Variants in CHRNA9 observed in about 807,000 individuals in gnomAD.
The protein encoded by CHRNA9 is neuronal acetylcholine receptor subunit alpha-9.
A neutral mutation model predicts 36.8 loss-of-function variants in CHRNA9; 24 were observed. The observed-to-expected ratio is 0.65, with a 90% CI of 0.47 to 0.92. CHRNA9 has a LOEUF of 0.92. CHRNA9 is among the 40% of genes least tolerant of loss of function. CHRNA9 has a pLI of 0.00. For missense variants in CHRNA9, 610 were observed against 601.2 expected, an observed-to-expected ratio of 1.01 and a Z score of -0.15; for synonymous variants, 231 against 231.8, an observed-to-expected ratio of 1.00 and a Z score of 0.03.
In CHRNA9 at chr4:40,345,056, T is replaced by C. The variant is rs149132182; in HGVS notation, c.366-3826T>C. Among the ~76,000 whole-genome samples the C allele has an allele frequency of 1.5e-3, 225 of 152,060 alleles. 1 individual carries two copies. Among genetic ancestry groups the C allele is most frequent in the African/African-American group, 5.3e-3 (220 of 41,446 alleles). On this transcript the variant is annotated intron_variant, in intron 3 of 4. Coordinates refer to ENST00000310169, the MANE Select transcript of CHRNA9 (RefSeq NM_017581.4). The stretch of plus-strand genomic sequence containing the variant: ...TTGTTGGGATTTCAGCCTTGATTGG[T>C]GGAGTGGGAGTGAAGGAGACCAGCA...
chr4:40,345,052 T>C (rs980851128), intron 3 of CHRNA9, among the ~76,000 whole-genome samples: 4 of 151,996 alleles, frequency 2.6e-5, no homozygotes, highest in African/African-American at 9.7e-5. Context: ...TCAGCCTTGA[T>C]TGGTGGAGTG....
At chr4:40,335,704 C>A in intron 1 of CHRNA9, 123 bp from the exon 2 acceptor site, 3 of 1,083,476 alleles carry the variant, frequency 2.8e-6, no homozygotes, top group Non-Finnish European at 4.2e-6. Flanking sequence ...CTCATCCATC[C>A]ACCCAAAGCT....
chr4:40,338,080 C>T (rs1285060157), intron 3 of CHRNA9: 1 of 152,180 alleles, frequency 6.6e-6, no homozygotes, highest in East Asian at 1.9e-4. Context: ...AACAGTGACA[C>T]TCACCATCCA....
intron 3 of CHRNA9, among the ~76,000 whole-genome samples, chr4:40,339,123 C>A (rs144940201): frequency 4.6e-5 from 7 of 151,042 alleles, no homozygotes; most frequent in African/African-American, 1.7e-4. Flanking sequence ...ATTAAAAATA[C>A]AAAAAATCAG....
chr4:40,340,471 A>T (rs1394431981), intron 3 of CHRNA9, among the ~76,000 whole-genome samples: 1 of 152,136 alleles, frequency 6.6e-6, no homozygotes, highest in East Asian at 1.9e-4. Context: ...GTGTTGCAGG[A>T]TCAGGCAAAG....
chr4:40,350,555 C>T (rs912177991), intron 4 of CHRNA9, among the ~76,000 whole-genome samples: 1 of 152,110 alleles, frequency 6.6e-6, no homozygotes, highest in Non-Finnish European at 1.5e-5. Flanking sequence ...AGAACACCAA[C>T]GAACTTAGAG....
chr4:40,337,945 G>A (rs547833206), intron 3 of CHRNA9: 1 of 152,396 alleles, frequency 6.6e-6, no homozygotes, highest in South Asian at 2.1e-4. Flanking sequence ...CCCTACTCCA[G>A]CGTGACTTCA....
chr4:40,343,420 G>C (rs1402650559), intron 3 of CHRNA9, among the ~76,000 whole-genome samples: 2 of 152,124 alleles, frequency 1.3e-5, no homozygotes, highest in Non-Finnish European at 2.9e-5. Flanking sequence ...ATGTGCAGGG[G>C]AACTCCCCTT....
intron 3 of CHRNA9, among the ~76,000 whole-genome samples, chr4:40,344,233 G>A (rs1457453369): frequency 6.6e-6 from 1 of 152,186 alleles, no homozygotes; most frequent in Non-Finnish European, 1.5e-5. Flanking sequence ...AATTTATGTT[G>A]TTTTAAGACA....
At chr4:40,350,380 T>C (rs1420006566) in intron 4 of CHRNA9, among the ~76,000 whole-genome samples, 1 of 152,140 alleles carries the variant, frequency 6.6e-6, no homozygotes, top group Non-Finnish European at 1.5e-5. Context: ...GCCTAGCTTG[T>C]TCTGAGGGCT....
intron 3 of CHRNA9, among the ~76,000 whole-genome samples, chr4:40,346,229 C>T (rs1712634782): frequency 2.0e-5 from 3 of 152,174 alleles, no homozygotes; most frequent in Admixed American, 6.6e-5. Flanking sequence ...AGGTTATCTT[C>T]GGCTGGATGT....
rs774219510 is a variant in CHRNA9 at position 40,354,325 on chromosome 4, G to A, written c.1245G>A (p.Glu415=). The A allele has an allele frequency of 2.5e-6, 4 of 1,614,166 alleles. No individual in the cohort carries two copies. The highest frequency in any genetic ancestry group is 1.3e-5 in the African/African-American group (1 of 75,062). The part of the protein sequence containing the change: ...GCQGKNPQEA[E]SYCAQYKVLT... The stretch of plus-strand genomic sequence containing the variant: ...AGGGTAAGAACCCTCAGGAGGCCGA[G>A]AGTTACTGTGCACAGTACAAAGTGC... The change falls in exon 5 of 5, where the codon GAG becomes GAA. Residue 415 remains glutamate, a synonymous_variant. Transcript: ENST00000310169.
chr4:40,341,399 TCTC>T (rs1712498433), intron 3 of CHRNA9, among the ~76,000 whole-genome samples: 1 of 152,028 alleles, frequency 6.6e-6, no homozygotes, highest in Non-Finnish European at 1.5e-5. Context: ...GAGAGAGTAT[TCTC>T]CTCAGTAGGG....
At chr4:40,348,836 A>G in intron 3 of CHRNA9, 46 bp from the exon 4 acceptor site, 1 of 1,583,150 alleles carries the variant, frequency 6.3e-7, no homozygotes, top group South Asian at 1.1e-5. Context: ...GGAAGGTGGC[A>G]AGTTCTCCTA....
rs1315741146 is a variant in CHRNA9, at chr4:40,335,414, A to C, written c.-54A>C. On this transcript the variant is annotated 5_prime_UTR_variant, in exon 1 of 5. Transcript: ENST00000310169. ...CAGATCCTTTGTATTCATAGGGGGA[A>C]GTGGAAGACCACGCTGCCTGACTGA... The C allele has an allele frequency of 7.6e-7, 1 of 1,311,626 alleles. No individual in the cohort carries two copies. The highest frequency in any genetic ancestry group is 2.3e-5 in the East Asian group (1 of 43,614). The allele number at this position is 1,311,626 out of a possible 1,614,324, so 81.2% of individuals were successfully genotyped here.
Position 40,349,047 on chromosome 4 carries a change from C to G in CHRNA9, c.531C>G (p.Thr177=), listed in dbSNP as rs1286887134. The part of the protein sequence containing the change: ...QQCNLTFGSW[T]YNGNQVDIFN... ...GCAACCTGACTTTTGGTTCCTGGAC[C>G]TACAATGGCAATCAGGTGGACATAT... Residue 177 remains threonine (T), a synonymous_variant, in exon 4 of 5, where the codon ACC becomes ACG. Coordinates refer to ENST00000310169, the MANE Select transcript of CHRNA9 (RefSeq NM_017581.4). 8 of 1,614,002 alleles carry G rather than the reference C, an allele frequency of 5.0e-6. No homozygotes were observed. The highest frequency in any genetic ancestry group is 1.3e-5 in the African/African-American group (1 of 74,900).
At chr4:40,344,082 G>A (rs1414417182) in intron 3 of CHRNA9, among the ~76,000 whole-genome samples, 1 of 152,206 alleles carries the variant, frequency 6.6e-6, no homozygotes, top group Non-Finnish European at 1.5e-5. Flanking sequence ...CAAAGAAGGG[G>A]CCCTGAGTCA....
chr4:40,345,486 C>A (rs906029602), intron 3 of CHRNA9, among the ~76,000 whole-genome samples: 7 of 151,828 alleles, frequency 4.6e-5, no homozygotes, highest in African/African-American at 1.5e-4. Context: ...CCCAGGCAGG[C>A]AGATTACCTG....
intron 3 of CHRNA9, among the ~76,000 whole-genome samples, chr4:40,342,323 C>T (rs1023520664): frequency 7.2e-5 from 11 of 152,058 alleles, no homozygotes; most frequent in Non-Finnish European, 1.2e-4. Context: ...ATGGAAATGT[C>T]CAATAGTGAG....
Sources: gnomAD v4.1 joint callset for allele counts (sites outside exome capture counted in the v4.1 genomes callset) on GRCh38, gnomAD v4.1.1 for gene constraint, MANE v1.5 for transcripts, NCBI Gene and HGNC (gene_info 2026-07-23, HGNC 2026-07-21) for gene names.